Variants in UNC5D observed in about 807,000 individuals in gnomAD.
UNC5D encodes the protein unc-5 netrin receptor D.
A neutral mutation model predicts 105.4 loss-of-function variants in UNC5D; 39 were observed. That is an observed-to-expected ratio of 0.37 (90% CI 0.29 to 0.48). The LOEUF (loss-of-function observed/expected upper bound fraction) is 0.48. Ranked by LOEUF, UNC5D falls within the 20% of genes least tolerant of loss-of-function variation. The probability of loss-of-function intolerance (pLI) is 0.98; values close to 1 mark genes in which losing one functional copy is unlikely to be tolerated. For synonymous variants in UNC5D, 452 were observed against 450.4 expected (o/e 1.00, Z -0.04); for missense variants, 991 against 1,202.4 (o/e 0.82, Z 2.60).
At chr8:35,459,139 T>C (rs9297240) in intron 1 of UNC5D, among the ~76,000 whole-genome samples, 61,573 of 151,888 alleles carry the variant, frequency 0.41, 13,173 homozygotes, top group African/African-American at 0.56. Flanking sequence ...TTTTGTGGTA[T>C]GAGGGGAAGA....
At chr8:35,351,378 A>C (rs1311035214) in intron 1 of UNC5D, among the ~76,000 whole-genome samples, 2 of 152,134 alleles carry the variant, frequency 1.3e-5, no homozygotes, top group African/African-American at 4.8e-5. Flanking sequence ...ATTTAAAGCA[A>C]CTGAACTCAG....
intron 3 of UNC5D, among the ~76,000 whole-genome samples, chr8:35,588,340 T>C (rs1015685732): frequency 6.6e-6 from 1 of 152,108 alleles, no homozygotes; most frequent in Non-Finnish European, 1.5e-5. Flanking sequence ...TATGTATATA[T>C]GTTTAAAAGG....
intron 1 of UNC5D, among the ~76,000 whole-genome samples, chr8:35,432,658 G>A (rs1806721788): frequency 6.6e-6 from 1 of 152,096 alleles, no homozygotes. Flanking sequence ...GTTTCAGGGT[G>A]GAATGAGCTG....
intron 4 of UNC5D, among the ~76,000 whole-genome samples, chr8:35,673,222 T>C (rs1217076850): frequency 1.3e-5 from 2 of 152,146 alleles, no homozygotes; most frequent in Non-Finnish European, 2.9e-5. Context: ...AGTACTGTTA[T>C]AAATAACTTG....
At chr8:35,769,904 A>G (rs1481068520) in intron 15 of UNC5D, among the ~76,000 whole-genome samples, 1 of 152,212 alleles carries the variant, frequency 6.6e-6, no homozygotes, top group Non-Finnish European at 1.5e-5. Flanking sequence ...CAGAGGTTGC[A>G]GTGAGATGAG....
intron 1 of UNC5D, among the ~76,000 whole-genome samples, chr8:35,335,740 GAAATGAGAGATTGCAATTTT>G (rs1464679691): frequency 0.018 from 2,626 of 143,942 alleles, 75 homozygotes; most frequent in African/African-American, 0.063. Flanking sequence ...AGGATAGAAT[GAAATGAGAGATTGCAATTTT>G]TTTTTTTTTT....
At chr8:35,353,280 G>A (rs1812370321) in intron 1 of UNC5D, among the ~76,000 whole-genome samples, 1 of 152,114 alleles carries the variant, frequency 6.6e-6, no homozygotes, top group African/African-American at 2.4e-5. Flanking sequence ...GTCATGAATG[G>A]CTCCTAAACA....
intron 3 of UNC5D, among the ~76,000 whole-genome samples, chr8:35,573,954 A>G (rs1024317738): frequency 6.6e-6 from 1 of 152,174 alleles, no homozygotes; most frequent in Non-Finnish European, 1.5e-5. Context: ...TTACCCCACA[A>G]AATTGGCAGA....
chr8:35,384,177 C>A (rs1460067991), intron 1 of UNC5D, among the ~76,000 whole-genome samples: 1 of 150,382 alleles, frequency 6.6e-6, no homozygotes, highest in Non-Finnish European at 1.5e-5. Context: ...CGAGATCGTG[C>A]CACTACACTC....
intron 16 of UNC5D, among the ~76,000 whole-genome samples, chr8:35,775,858 G>A (rs1802222508): frequency 6.6e-6 from 1 of 152,076 alleles, no homozygotes; most frequent in Admixed American, 6.5e-5. Flanking sequence ...ATTGCTGCAA[G>A]AGAAAACTGA....
chr8:35,394,591 TA>T lies in UNC5D; in HGVS notation c.104-154687del, dbSNP rs879268811. Among the ~76,000 whole-genome samples the T allele has an allele frequency of 2.7e-3, 383 of 142,010 alleles. 1 individual carries two copies. Among genetic ancestry groups the T allele is most frequent in the Middle Eastern group, 3.7e-3 (1 of 272 alleles). The allele number at this position is 142,010 out of a possible 152,430, so 93.2% of individuals were successfully genotyped here. ...ATGATGAGCATTTATTTTCATTTTG[TA>T]AAAAAAAAAAAAATTAGGAAGCCTG... On this transcript the variant is annotated intron_variant, in intron 1 of 16. Coordinates refer to ENST00000404895, the MANE Select transcript of UNC5D (RefSeq NM_080872.4).
At chr8:35,425,864 A>G (rs1034590857) in intron 1 of UNC5D, among the ~76,000 whole-genome samples, 1 of 152,090 alleles carries the variant, frequency 6.6e-6, no homozygotes, top group African/African-American at 2.4e-5. Flanking sequence ...GTTTTGATAC[A>G]TATAATATAT....
chr8:35,415,988 G>C (rs562489968), intron 1 of UNC5D, among the ~76,000 whole-genome samples: 14 of 152,230 alleles, frequency 9.2e-5, no homozygotes, highest in African/African-American at 3.4e-4. Flanking sequence ...TGCTGTTGCT[G>C]TTAGTATTAA....
chr8:35,731,364 G>GCACTT, intron 11 of UNC5D, among the ~76,000 whole-genome samples: 1 of 121,632 alleles, frequency 8.2e-6, no homozygotes, highest in Admixed American at 1.1e-4. Context: ...TCGTGCCACT[G>GCACTT]CACTTCAGTC....
At chr8:35,591,672 C>G (rs1333201569) in intron 3 of UNC5D, among the ~76,000 whole-genome samples, 1 of 152,136 alleles carries the variant, frequency 6.6e-6, no homozygotes, top group African/African-American at 2.4e-5. Context: ...CACTTTATCA[C>G]TTTCCCCTTA....
At chr8:35,473,294 G>A (rs368348134) in intron 1 of UNC5D, among the ~76,000 whole-genome samples, 3 of 152,136 alleles carry the variant, frequency 2.0e-5, no homozygotes, top group Non-Finnish European at 4.4e-5. Flanking sequence ...AAAGGCTATT[G>A]CAAATTAGCG....
At chr8:35,281,640 C>T (rs1374583811) in intron 1 of UNC5D, among the ~76,000 whole-genome samples, 1 of 152,080 alleles carries the variant, frequency 6.6e-6, no homozygotes, top group Non-Finnish European at 1.5e-5. Context: ...GCTATGCTAC[C>T]TTCCCTGAAG....
Position 35,795,503 on chromosome 8 carries a change from C to G in UNC5D, c.*4940C>G, listed in dbSNP as rs1413547154. The G allele has an allele frequency of 6.6e-6, 1 of 152,144 alleles. No individual in the cohort carries two copies. Among genetic ancestry groups the G allele is most frequent in the Non-Finnish European group, 1.5e-5 (1 of 68,044 alleles). 9.4% of individuals were successfully genotyped at this position (152,144 alleles called of 1,614,324 possible). ...ACAATATTTGAGGGGAGTTTATCAGCAGAATATCATGCCTTATGACCCCAT... is the reference window on the plus strand; with the variant it reads ...ACAATATTTGAGGGGAGTTTATCAGGAGAATATCATGCCTTATGACCCCAT... On this transcript the variant is annotated 3_prime_UTR_variant, in exon 17 of 17. Transcript: ENST00000404895.
chr8:35,247,440 A>G (rs1034992577), intron 1 of UNC5D, among the ~76,000 whole-genome samples: 1 of 142,260 alleles, frequency 7.0e-6, no homozygotes, highest in African/African-American at 2.6e-5. Context: ...CTTTTGTTCC[A>G]GTTACTTAAC....
Sources: allele counts gnomAD v4.1 joint callset (sites outside exome capture counted in the v4.1 genomes callset), GRCh38; gene constraint gnomAD v4.1.1; transcripts MANE v1.5; gene names NCBI Gene and HGNC (gene_info 2026-07-23, HGNC 2026-07-21).